The following PTGDR variants were observed in gnomAD, a reference collection of about 807,000 sequenced individuals.
The protein encoded by PTGDR is prostaglandin D2 receptor, also known as PGD2 receptor.
A neutral mutation model predicts 17.4 loss-of-function variants in PTGDR; 19 were observed. That is an observed-to-expected ratio of 1.09 (90% confidence interval 0.76 to 1.60). The LOEUF is 1.60. Among genes scored for constraint, PTGDR ranks in the 40% most tolerant of loss-of-function variants. The probability of loss-of-function intolerance (pLI) is 0.00; values close to 1 mark genes in which losing one functional copy is unlikely to be tolerated. For missense variants in PTGDR, 526 were observed against 481.9 expected (o/e 1.09, Z -0.86); for synonymous variants, 267 against 224.2 (o/e 1.19, Z -1.71).
chr14:52,279,696 T>G (rs2033466877), downstream of PTGDR, among the ~76,000 whole-genome samples: 1 of 152,106 alleles, frequency 6.6e-6, no homozygotes, highest in South Asian at 2.1e-4. Context: ...CCAGATATTT[T>G]TATACAAACT....
chr14:52,280,260 G>T (rs903629662), downstream of PTGDR, among the ~76,000 whole-genome samples: 6 of 152,066 alleles, frequency 3.9e-5, no homozygotes, highest in African/African-American at 1.4e-4. Flanking sequence ...AATTCATAAT[G>T]AATTTAGAAA....
Position 52,275,030 on chromosome 14 carries a change from A to T in PTGDR, c.*66A>T. 1 of 1,199,966 alleles carries T rather than the reference A, an allele frequency of 8.3e-7. No individual in the cohort carries two copies. The highest frequency in any genetic ancestry group is 1.5e-5 in the South Asian group (1 of 66,440). The allele number at this position is 1,199,966 out of a possible 1,614,324, so 74.3% of individuals were successfully genotyped here. A position where few individuals can be genotyped will look rare whatever the true frequency, so the allele number is the denominator to read the frequency against. On this transcript the variant is annotated 3_prime_UTR_variant, in exon 2 of 2. Transcript: ENST00000306051. ...ATTTTCAGTCAAAGAACCATGATTAAAAAAAAAAAGACAACTTACAATTTA... is the reference window on the plus strand; with the variant it reads ...ATTTTCAGTCAAAGAACCATGATTATAAAAAAAAAGACAACTTACAATTTA...
At position 52,268,322 on chromosome 14, in the gene PTGDR, G is replaced by C; in HGVS notation, c.508G>C (p.Gly170Arg). ...SLAFCALPFM[G>R]FGKFVQYCPG... ...GGCTTTCTGCGCGCTACCTTTCATGGGCTTCGGGAAGTTCGTGCAGTACTG... is the reference window on the plus strand; with the variant it reads ...GGCTTTCTGCGCGCTACCTTTCATGCGCTTCGGGAAGTTCGTGCAGTACTG... Residue 170 changes from glycine (G) to arginine (R), a missense_variant, in exon 1 of 2, where the codon GGC becomes CGC. By Grantham distance (125) the Gly-to-Arg change is moderately radical. Coordinates refer to ENST00000306051, the MANE Select transcript of PTGDR (RefSeq NM_000953.3). 1 of 1,613,810 alleles carries C rather than the reference G, an allele frequency of 6.2e-7. No homozygotes were observed. The highest frequency in any genetic ancestry group is 8.5e-7 in the Non-Finnish European group (1 of 1,180,032).
At chr14:52,274,463 G>A (rs1339024662) in intron 1 of PTGDR, among the ~76,000 whole-genome samples, 1 of 152,196 alleles carries the variant, frequency 6.6e-6, no homozygotes, top group Non-Finnish European at 1.5e-5. Flanking sequence ...GAGCCCAGCA[G>A]GTAGAATAGC....
rs1233405001 is a variant in PTGDR, at chr14:52,268,222, C to T, written c.408C>T (p.His136=). 3.7e-6 allele frequency: 6 copies of T among 1,613,978 alleles called. No individual in the cohort carries two copies. The highest frequency in any genetic ancestry group is 4.2e-6 in the Non-Finnish European group (5 of 1,180,050). Residue 136 remains histidine (H), a synonymous_variant, in exon 1 of 2, where the codon CAC becomes CAT. Coordinates refer to ENST00000306051, the MANE Select transcript of PTGDR (RefSeq NM_000953.3). ...TGGAGTGCTGGCTCTCCCTAGGGCACCCTTTCTTCTACCGACGGCACATCA... is the reference window on the plus strand; with the variant it reads ...TGGAGTGCTGGCTCTCCCTAGGGCATCCTTTCTTCTACCGACGGCACATCA... ...MALECWLSLG[H]PFFYRRHITL...
At chr14:52,274,269 G>A (rs1327773246) in intron 1 of PTGDR, among the ~76,000 whole-genome samples, 2 of 152,180 alleles carry the variant, frequency 1.3e-5, no homozygotes, top group Non-Finnish European at 2.9e-5. Context: ...TTTCACAGGT[G>A]TGACTTATTT....
intron 1 of PTGDR, among the ~76,000 whole-genome samples, chr14:52,272,780 T>C (rs2033345745): frequency 6.6e-6 from 1 of 152,188 alleles, no homozygotes; most frequent in African/African-American, 2.4e-5. Context: ...GCATCGCACC[T>C]ATTCTTTCTG....
intron 1 of PTGDR, among the ~76,000 whole-genome samples, chr14:52,272,958 A>G (rs2033349243): frequency 6.6e-6 from 1 of 152,092 alleles, no homozygotes; most frequent in East Asian, 1.9e-4. Flanking sequence ...CTCCCCCACC[A>G]ACCTCCAGGA....
rs1231852394 is a variant in PTGDR, at chr14:52,275,764, A to G, written c.*800A>G. 6.5e-6 allele frequency: 1 copy of G among 152,672 alleles called. No individual in the cohort carries two copies. Among genetic ancestry groups the G allele is most frequent in the Admixed American group, 6.5e-5 (1 of 15,288 alleles). The allele number at this position is 152,672 out of a possible 1,614,324, so 9.5% of individuals were successfully genotyped here. A position where few individuals can be genotyped will look rare whatever the true frequency, so the allele number is the denominator to read the frequency against. On this transcript the variant is annotated 3_prime_UTR_variant, in exon 2 of 2. Transcript: ENST00000306051. ...TTTCAGTTTTTAGAACCTCCATTTT[A>G]TAAAAGAATTATCCTATCAATGGAT...
intron 1 of PTGDR, chr14:52,269,357 C>A (rs1020784219): frequency 1.1e-5 from 12 of 1,063,558 alleles, no homozygotes; most frequent in Non-Finnish European, 1.7e-5. Flanking sequence ...TTGAGTGTAT[C>A]TTGGCAAGTG....
intron 1 of PTGDR, 73 bp downstream of exon 1, chr14:52,268,733 G>C: frequency 6.8e-7 from 1 of 1,470,836 alleles, no homozygotes; most frequent in South Asian, 1.3e-5. Context: ...GAAGGGTGGA[G>C]CGGATCGGGA....
intron 1 of PTGDR, among the ~76,000 whole-genome samples, chr14:52,272,466 TA>T (rs59312780): frequency 0.58 from 83,510 of 144,876 alleles, 24,281 homozygotes; most frequent in Middle Eastern, 0.77. Flanking sequence ...GACTCTGTCT[TA>T]AAAAAAAAAA....
chr14:52,269,609 G>C (rs1255020769), intron 1 of PTGDR: 1 of 1,259,986 alleles, frequency 7.9e-7, no homozygotes, highest in African/African-American at 1.5e-5. Context: ...GAAATCCTGA[G>C]ACTTCTGTGA....
In PTGDR at chr14:52,267,960, G is replaced by T. The variant is rs2033234647; in HGVS notation, c.146G>T (p.Cys49Phe). ...CTGGCGCGCTCGGGGCTGGGGTGGT[G>T]CTCGCGGCGTCCACTGCGCCCGCTG... ...GLLARSGLGWCSRRPLRPLPS... is the reference protein window; with the variant it reads ...GLLARSGLGWFSRRPLRPLPS... The change falls in exon 1 of 2, where the codon TGC (cysteine) becomes TTC (phenylalanine). Residue 49 changes from cysteine (C) to phenylalanine (F), a missense_variant. By Grantham distance (205) the Cys-to-Phe change is radical. Transcript: ENST00000306051. The T allele has an allele frequency of 6.2e-7, 1 of 1,609,206 alleles. No individual in the cohort carries two copies. The highest frequency in any genetic ancestry group is 1.1e-5 in the South Asian group (1 of 91,044).
intron 1 of PTGDR, among the ~76,000 whole-genome samples, chr14:52,272,802 G>A (rs2033345992): frequency 6.6e-6 from 1 of 152,088 alleles, no homozygotes. Context: ...TCCTCAAAAT[G>A]GCATACACAG....
Position 52,268,522 on chromosome 14 carries a change from G to T in PTGDR, c.708G>T (p.Pro236=). 6.2e-7 allele frequency: 1 copy of T among 1,611,774 alleles called. No homozygotes were observed. Residue 236 remains proline (P), a synonymous_variant, in exon 1 of 2, where the codon CCG becomes CCT. Coordinates refer to ENST00000306051, the MANE Select transcript of PTGDR (RefSeq NM_000953.3). The part of the protein sequence containing the change: ...YAMHRRLQRH[P]RSCTRDCAEP... ...TGCACCGGCGGCTGCAGCGGCACCCGCGCTCCTGCACCAGGGACTGTGCCG... is the reference window on the plus strand; with the variant it reads ...TGCACCGGCGGCTGCAGCGGCACCCTCGCTCCTGCACCAGGGACTGTGCCG...
intron 1 of PTGDR, among the ~76,000 whole-genome samples, chr14:52,272,189 T>G (rs562783311): frequency 1.3e-5 from 2 of 152,268 alleles, no homozygotes; most frequent in African/African-American, 4.8e-5. Flanking sequence ...TATTGTTCAT[T>G]GGGGCTGGTG....
chr14:52,279,117 A>G (rs1204745492), downstream of PTGDR, among the ~76,000 whole-genome samples: 1 of 152,090 alleles, frequency 6.6e-6, no homozygotes, highest in Non-Finnish European at 1.5e-5. Context: ...TAAATATACT[A>G]TAAATATATT....
In PTGDR at chr14:52,267,873, C is replaced by G; in HGVS notation, c.59C>G (p.Ala20Gly). The G allele has an allele frequency of 6.2e-7, 1 of 1,601,734 alleles. No homozygotes were observed. The highest frequency in any genetic ancestry group is 8.5e-7 in the Non-Finnish European group (1 of 1,173,460). The change falls in exon 1 of 2, where the codon GCG becomes GGG. Residue 20 changes from alanine to glycine, a missense_variant. Coordinates refer to ENST00000306051, the MANE Select transcript of PTGDR (RefSeq NM_000953.3). ...ACCTCTGTGGAAAAAGGCAACTCGG[C>G]GGTGATGGGCGGGGTGCTCTTCAGC... ...NTTSVEKGNS[A>G]VMGGVLFSTG...
Sources: gnomAD v4.1 joint callset for allele counts (sites outside exome capture counted in the v4.1 genomes callset) on GRCh38, gnomAD v4.1.1 for gene constraint, MANE v1.5 for transcripts, NCBI Gene and HGNC (gene_info 2026-07-23, HGNC 2026-07-21) for gene names.